Variants in MAP3K1 observed in about 807,000 individuals in gnomAD.
MAP3K1 encodes the protein MAP/ERK kinase kinase 1.
MAP3K1 carries 36 observed loss-of-function variants against 144.2 expected under a neutral mutation model. The observed-to-expected ratio is 0.25, with a 90% CI of 0.19 to 0.33. The LOEUF is 0.33. Ranked by LOEUF, MAP3K1 falls within the 10% of genes least tolerant of loss-of-function variation. MAP3K1 has a pLI of 1.00. For synonymous variants in MAP3K1, 718 were observed against 688.7 expected, an observed-to-expected ratio of 1.04 and a Z score of -0.67; for missense variants, 1,650 against 1,881.9, an observed-to-expected ratio of 0.88 and a Z score of 2.28.
At chr5:56,840,869 G>A (rs1396688449) in intron 1 of MAP3K1, among the ~76,000 whole-genome samples, 2 of 147,842 alleles carry the variant, frequency 1.4e-5, no homozygotes, top group Non-Finnish European at 3.0e-5. Context: ...AAATTGTTAA[G>A]GTTTTTTTTT....
At chr5:56,881,515 C>T in intron 13 of MAP3K1, 55 bp from the exon 14 acceptor site, 3 of 1,368,546 alleles carry the variant, frequency 2.2e-6, no homozygotes, top group Non-Finnish European at 3.1e-6. Flanking sequence ...TTTAAGTTTC[C>T]ATGTATTTTT....
intron 1 of MAP3K1, among the ~76,000 whole-genome samples, chr5:56,837,043 T>TC (rs1166757157): frequency 3.9e-5 from 6 of 152,082 alleles, no homozygotes; most frequent in African/African-American, 1.4e-4. Flanking sequence ...GCCAGCAGTA[T>TC]CCCCCCACCT....
chr5:56,873,251 A>G (rs1277440045), intron 9 of MAP3K1, among the ~76,000 whole-genome samples: 1 of 152,188 alleles, frequency 6.6e-6, no homozygotes, highest in Non-Finnish European at 1.5e-5. Flanking sequence ...TTCCTGAACT[A>G]ACGGACATAC....
At chr5:56,859,067 A>T (rs1223876907) in intron 2 of MAP3K1, among the ~76,000 whole-genome samples, 5 of 25,554 alleles carry the variant, frequency 2.0e-4, no homozygotes, top group East Asian at 9.5e-4. Context: ...GCCTTAATTA[A>T]AAAAAAAAAA....
At position 56,815,878 on chromosome 5, in the gene MAP3K1, G is replaced by A. The variant is rs1344861725; in HGVS notation, c.305G>A (p.Gly102Glu). 7.2e-6 allele frequency: 10 copies of A among 1,379,694 alleles called. No homozygotes were observed. The South Asian group carries it at 1.1e-4, about 15-fold the overall frequency. The allele number at this position is 1,379,694 out of a possible 1,614,324, so 85.5% of individuals were successfully genotyped here. Reference sequence around the variant, plus strand: ...GAGCCCGCGGACGCAGCGGGGAGTGGGACCGGCTTCCAGCCTGTGGCGGTG... The same window carrying A: ...GAGCCCGCGGACGCAGCGGGGAGTGAGACCGGCTTCCAGCCTGTGGCGGTG... ...SPEPADAAGS[G>E]TGFQPVAVPP... Residue 102 changes from glycine to glutamate, a missense_variant, in exon 1 of 20, where the codon GGG becomes GAG. This residue lies in a region of MAP3K1 where 360 missense variants were observed against 274.7 expected (regional missense o/e 1.31). Coordinates refer to ENST00000399503, the MANE Select transcript of MAP3K1 (RefSeq NM_005921.2).
chr5:56,872,775 G>GT, intron 8 of MAP3K1, 50 bp from the exon 9 acceptor site: 1 of 1,607,330 alleles, frequency 6.2e-7, no homozygotes. Flanking sequence ...ATTTCTCAGT[G>GT]TGGTTTGTCT....
At chr5:56,844,543 C>G (rs1746932300) in intron 1 of MAP3K1, among the ~76,000 whole-genome samples, 1 of 152,054 alleles carries the variant, frequency 6.6e-6, no homozygotes, top group Non-Finnish European at 1.5e-5. Context: ...CACCAACTCT[C>G]TCTTCCAGTT....
At chr5:56,887,950 TGTA>T (rs1748435839) in intron 18 of MAP3K1, 1 of 503,482 alleles carries the variant, frequency 2.0e-6, no homozygotes, top group South Asian at 2.2e-5. Flanking sequence ...CATGTTCATA[TGTA>T]GTAATGATCT....
At chr5:56,847,712 G>C (rs1200505046) in intron 1 of MAP3K1, among the ~76,000 whole-genome samples, 1 of 152,208 alleles carries the variant, frequency 6.6e-6, no homozygotes, top group Non-Finnish European at 1.5e-5. Flanking sequence ...ATCTTGAATA[G>C]AGTTTTTAAA....
At chr5:56,858,504 A>G (rs1747406712) in intron 2 of MAP3K1, among the ~76,000 whole-genome samples, 1 of 152,226 alleles carries the variant, frequency 6.6e-6, no homozygotes, top group Non-Finnish European at 1.5e-5. Context: ...TTTATGATTT[A>G]CGGATTTCGT....
At position 56,865,393 on chromosome 5, in the gene MAP3K1, C is replaced by G; in HGVS notation, c.1089C>G (p.Leu363=). Reference sequence around the variant, plus strand: ...GTATTCATCTGCTATTTGTGATGCTCCGGGTGTTTCAACTAGAACCTTCAG... The same window carrying G: ...GTATTCATCTGCTATTTGTGATGCTGCGGGTGTTTCAACTAGAACCTTCAG... ...TFCIHLLFVM[L]RVFQLEPSDP... The change falls in exon 5 of 20, where the codon CTC becomes CTG. Residue 363 remains leucine (L), a synonymous_variant. Coordinates refer to ENST00000399503, the MANE Select transcript of MAP3K1 (RefSeq NM_005921.2). 1 of 1,612,588 alleles carries G rather than the reference C, an allele frequency of 6.2e-7. No individual in the cohort carries two copies. The highest frequency in any genetic ancestry group is 8.5e-7 in the Non-Finnish European group (1 of 1,178,884).
At chr5:56,841,032 C>T (rs1468104966) in intron 1 of MAP3K1, among the ~76,000 whole-genome samples, 7 of 152,098 alleles carry the variant, frequency 4.6e-5, no homozygotes, top group Non-Finnish European at 8.8e-5. Flanking sequence ...TGCACCACCA[C>T]GCCCAGCTAA....
chr5:56,831,520 T>G (rs1160865925), intron 1 of MAP3K1, among the ~76,000 whole-genome samples: 1 of 152,208 alleles, frequency 6.6e-6, no homozygotes, highest in African/African-American at 2.4e-5. Flanking sequence ...TAATTCGAGT[T>G]TAATCAGACC....
intron 1 of MAP3K1, among the ~76,000 whole-genome samples, chr5:56,834,297 G>A (rs948891548): frequency 6.6e-6 from 1 of 152,146 alleles, no homozygotes; most frequent in African/African-American, 2.4e-5. Flanking sequence ...CTGGAGCCAG[G>A]GGAGATAAAA....
chr5:56,845,776 A>G (rs1201414930), intron 1 of MAP3K1, among the ~76,000 whole-genome samples: 1 of 152,256 alleles, frequency 6.6e-6, no homozygotes, highest in East Asian at 1.9e-4. Context: ...ACAACAAAGG[A>G]AAGAATAAAC....
chr5:56,821,501 A>G (rs1258791895), intron 1 of MAP3K1, among the ~76,000 whole-genome samples: 2 of 152,234 alleles, frequency 1.3e-5, no homozygotes, highest in African/African-American at 4.8e-5. Context: ...GAGTGAGAAC[A>G]GGGTCAGTAC....
chr5:56,883,966 T>C (rs1375063818), intron 15 of MAP3K1, among the ~76,000 whole-genome samples: 1 of 152,054 alleles, frequency 6.6e-6, no homozygotes, highest in African/African-American at 2.4e-5. Flanking sequence ...CTGGCCAGCA[T>C]GGTGAAACCC....
intron 10 of MAP3K1, among the ~76,000 whole-genome samples, chr5:56,878,425 A>G (rs930687042): frequency 3.3e-5 from 5 of 152,194 alleles, no homozygotes; most frequent in Non-Finnish European, 7.4e-5. Context: ...CGTTCTGCAC[A>G]TGTACCCCAC....
In MAP3K1 at chr5:56,882,817, C is replaced by T. The variant is rs1748265198; in HGVS notation, c.3617C>T (p.Pro1206Leu). The T allele has an allele frequency of 6.2e-7, 1 of 1,612,492 alleles. No individual in the cohort carries two copies. The highest frequency in any genetic ancestry group is 1.7e-5 in the Admixed American group (1 of 59,880). ...SASQDALPIV[P>L]QLQVENGEDI... ...TCTCAGGATGCCCTCCCCATAGTTC[C>T]TCAGCTGCAGGTTGAAAATGGAGAA... Residue 1206 changes from proline to leucine, a missense_variant, in exon 14 of 20, where the codon CCT (proline) becomes CTT (leucine). Coordinates refer to ENST00000399503, the MANE Select transcript of MAP3K1 (RefSeq NM_005921.2).
Sources: allele counts gnomAD v4.1 joint callset (sites outside exome capture counted in the v4.1 genomes callset), GRCh38; gene constraint gnomAD v4.1.1; regional missense constraint gnomAD v4.1.1; transcripts MANE v1.5; gene names NCBI Gene and HGNC (gene_info 2026-07-23, HGNC 2026-07-21).